JADE1: variants seen among roughly 807,000 people sequenced by gnomAD.
The protein encoded by JADE1 is protein Jade-1.
A neutral mutation model predicts 81.8 loss-of-function variants in JADE1; 14 were observed. The ratio of observed to expected loss-of-function variants is 0.17; its 90% CI spans 0.11 to 0.27. JADE1 has a LOEUF of 0.27. JADE1 is among the 10% of genes least tolerant of loss of function. The pLI is 1.00. For synonymous variants in JADE1, 353 were observed against 391.9 expected (o/e 0.90, Z 1.17); for missense variants, 690 against 1,047.9 (o/e 0.66, Z 4.71).
At chr4:128,865,505 GGAA>G (rs56657477) in intron 9 of JADE1, among the ~76,000 whole-genome samples, 3,393 of 152,276 alleles carry the variant, frequency 0.022, 108 homozygotes, top group African/African-American at 0.073. Context: ...AACGGGTGCA[GGAA>G]GAAGGGACAA....
intron 2 of JADE1, among the ~76,000 whole-genome samples, chr4:128,836,955 T>C (rs1391363458): frequency 6.6e-6 from 1 of 152,202 alleles, no homozygotes; most frequent in Non-Finnish European, 1.5e-5. Context: ...TCTTAAACTT[T>C]GGTGTCTCTC....
chr4:128,873,149 A>G lies in JADE1; in HGVS notation c.*887A>G, dbSNP rs1384184174. On this transcript the variant is annotated 3_prime_UTR_variant, in exon 11 of 11. Coordinates refer to ENST00000226319, the MANE Select transcript of JADE1 (RefSeq NM_199320.4). ...ATAGTACAGTGGCTACTCAAGTTCA[A>G]GCGAAGAACTTCCAGACTCTGGTGA... 4.9e-6 allele frequency: 1 copy of G among 205,810 alleles called. No individual in the cohort carries two copies. Among genetic ancestry groups the G allele is most frequent in the Non-Finnish European group, 1.0e-5 (1 of 95,546 alleles). 12.7% of individuals were successfully genotyped at this position (205,810 alleles called of 1,614,324 possible).
intron 9 of JADE1, chr4:128,862,734 C>T: frequency 1.0e-6 from 1 of 1,003,384 alleles, no homozygotes; most frequent in Non-Finnish European, 1.2e-6. Context: ...CTCACTGGCC[C>T]CCACTTTGTT....
At chr4:128,831,547 T>A (rs1291384886) in intron 1 of JADE1, 186 bp from the exon 2 acceptor site, 14 of 545,628 alleles carry the variant, frequency 2.6e-5, no homozygotes, top group Admixed American at 3.5e-5. Context: ...CCTCCTTTTT[T>A]AACCTGGTTT....
At chr4:128,828,868 C>T (rs1728293507) in intron 1 of JADE1, among the ~76,000 whole-genome samples, 1 of 152,306 alleles carries the variant, frequency 6.6e-6, no homozygotes, top group Admixed American at 6.5e-5. Context: ...CCGGTCTCAA[C>T]TCCTAGGTTC....
At chr4:128,816,199 C>T (rs1459354010) in intron 1 of JADE1, among the ~76,000 whole-genome samples, 1 of 152,102 alleles carries the variant, frequency 6.6e-6, no homozygotes, top group Non-Finnish European at 1.5e-5. Context: ...CATGTATTTA[C>T]AATCTGGACA....
intron 2 of JADE1, among the ~76,000 whole-genome samples, chr4:128,841,303 G>C (rs1039555880): frequency 6.6e-6 from 1 of 152,204 alleles, no homozygotes; most frequent in African/African-American, 2.4e-5. Context: ...TACTACATGT[G>C]GGTGTTAGGG....
chr4:128,847,811 C>T (rs1729993576), intron 4 of JADE1, among the ~76,000 whole-genome samples: 1 of 152,204 alleles, frequency 6.6e-6, no homozygotes, highest in African/African-American at 2.4e-5. Context: ...TAAAATCACT[C>T]CCGTAATATA....
intron 10 of JADE1, among the ~76,000 whole-genome samples, chr4:128,868,824 G>A (rs1341011462): frequency 1.3e-5 from 2 of 152,192 alleles, no homozygotes; most frequent in South Asian, 4.1e-4. Context: ...CCATGGAACA[G>A]GTAGGTCTTA....
At chr4:128,822,078 A>C (rs999263365) in intron 1 of JADE1, among the ~76,000 whole-genome samples, 1 of 152,148 alleles carries the variant, frequency 6.6e-6, no homozygotes, top group Non-Finnish European at 1.5e-5. Flanking sequence ...TTGATACTGC[A>C]TCTCAGGAAA....
intron 6 of JADE1, among the ~76,000 whole-genome samples, chr4:128,852,479 C>T (rs1236192022): frequency 6.6e-6 from 1 of 152,214 alleles, no homozygotes; most frequent in African/African-American, 2.4e-5. Flanking sequence ...AAGGATAGCA[C>T]CCTCTGTGGA....
At chr4:128,837,406 A>G (rs1729070396) in intron 2 of JADE1, among the ~76,000 whole-genome samples, 1 of 152,216 alleles carries the variant, frequency 6.6e-6, no homozygotes, top group Non-Finnish European at 1.5e-5. Flanking sequence ...TTTCTGGGCC[A>G]GTTCTTTGAA....
At chr4:128,859,631 T>C (rs1246493504) in intron 8 of JADE1, among the ~76,000 whole-genome samples, 2 of 152,308 alleles carry the variant, frequency 1.3e-5, no homozygotes, top group East Asian at 1.9e-4. Flanking sequence ...ACGTGTGCAC[T>C]GGCAGGAAAC....
intron 1 of JADE1, 86 bp from the exon 2 acceptor site, chr4:128,831,647 C>T: frequency 2.6e-6 from 3 of 1,132,234 alleles, no homozygotes; most frequent in Non-Finnish European, 4.0e-6. Flanking sequence ...CTTTTGTTTG[C>T]TGTAAATCCT....
At chr4:128,864,747 A>C (rs1731658060) in intron 9 of JADE1, 4 of 313,116 alleles carry the variant, frequency 1.3e-5, no homozygotes, top group Non-Finnish European at 1.9e-5. Flanking sequence ...GATCATTCTC[A>C]GACTGACAAA....
chr4:128,866,956 C>A (rs571306179), intron 9 of JADE1, among the ~76,000 whole-genome samples: 19 of 152,246 alleles, frequency 1.2e-4, no homozygotes, highest in African/African-American at 2.6e-4. Flanking sequence ...AGTTTAGAGA[C>A]TAATTCTTTA....
intron 9 of JADE1, chr4:128,862,690 G>C (rs1731443201): frequency 1.4e-5 from 14 of 1,011,334 alleles, no homozygotes; most frequent in Non-Finnish European, 1.7e-5. Context: ...CTAGGTGCTG[G>C]TGATGGGCTT....
At chr4:128,867,199 C>T (rs1473256524) in intron 9 of JADE1, among the ~76,000 whole-genome samples, 1 of 152,170 alleles carries the variant, frequency 6.6e-6, no homozygotes, top group African/African-American at 2.4e-5. Context: ...ATTGGCAAAG[C>T]TGGAAATTTC....
rs566241400 is a variant in JADE1, at chr4:128,854,932, G to GT, written c.697-690dup. Among the ~76,000 whole-genome samples, 138 of 151,856 alleles carry GT rather than the reference G, an allele frequency of 9.1e-4. 1 individual carries two copies. The highest frequency in any genetic ancestry group is 3.5e-3 in the Admixed American group (54 of 15,240). On this transcript the variant is annotated intron_variant, in intron 6 of 10. Coordinates refer to ENST00000226319, the MANE Select transcript of JADE1 (RefSeq NM_199320.4). Reference sequence around the variant, plus strand: ...TTTGTTTTATTTTTTAATTTAAATTGTTTTTTTTGTCTCCATTTCTGAAAG... The same window carrying GT: ...TTTGTTTTATTTTTTAATTTAAATTGTTTTTTTTTGTCTCCATTTCTGAAAG...
Sources: allele counts gnomAD v4.1 joint callset (sites outside exome capture counted in the v4.1 genomes callset), GRCh38; gene constraint gnomAD v4.1.1; transcripts MANE v1.5; gene names NCBI Gene and HGNC (gene_info 2026-07-23, HGNC 2026-07-21).